The following SLCO2A1 variants were observed in gnomAD, a reference collection of about 807,000 sequenced individuals.
The protein encoded by SLCO2A1 is matrin F/G 1.
In SLCO2A1, 60 loss-of-function variants were observed where a neutral mutation model predicts 71.7. The ratio of observed to expected loss-of-function variants is 0.84; its 90% CI spans 0.68 to 1.04. The LOEUF (loss-of-function observed/expected upper bound fraction) is 1.04, where lower values mean the gene tolerates loss of function less well. Ranked by LOEUF, SLCO2A1 falls within the 50% of genes least tolerant of loss-of-function variation. SLCO2A1 has a pLI of 0.00. For missense variants in SLCO2A1, 745 were observed against 813.4 expected, an observed-to-expected ratio of 0.92 and a Z score of 1.02; for synonymous variants, 308 against 326.7, an observed-to-expected ratio of 0.94 and a Z score of 0.62.
At chr3:134,016,566 G>A (rs1019977704) in intron 1 of SLCO2A1, among the ~76,000 whole-genome samples, 3 of 152,158 alleles carry the variant, frequency 2.0e-5, no homozygotes, top group African/African-American at 7.2e-5. Context: ...CAGCAACTGG[G>A]TCTCTCACAT....
In SLCO2A1 at chr3:133,955,016, ATCCC is replaced by A. The variant is rs1189835228; in HGVS notation, c.571_574del (p.Gly191SerfsTer68). The A allele has an allele frequency of 1.2e-6, 2 of 1,614,118 alleles. No individual in the cohort carries two copies. The highest frequency in any genetic ancestry group is 1.7e-6 in the Non-Finnish European group (2 of 1,180,020). ...CTCTGAGAAGTCATCCACATAGGAG[ATCCC>A]AAATGGCTGAATAGGCACTGTCCCG... is the stretch of plus-strand genomic sequence containing the variant. On this transcript the variant is annotated frameshift_variant, in exon 4 of 14. Coordinates refer to ENST00000310926, the MANE Select transcript of SLCO2A1 (RefSeq NM_005630.3). LOFTEE classifies it high-confidence loss of function.
intron 2 of SLCO2A1, among the ~76,000 whole-genome samples, chr3:133,974,211 T>G (rs1004008953): frequency 6.6e-6 from 1 of 152,170 alleles, no homozygotes; most frequent in Non-Finnish European, 1.5e-5. Context: ...CTAATTAAGC[T>G]TGAGAGTTTG....
intron 1 of SLCO2A1, among the ~76,000 whole-genome samples, chr3:134,012,523 C>G (rs2108075294): frequency 6.6e-6 from 1 of 152,302 alleles, no homozygotes; most frequent in Admixed American, 6.5e-5. Context: ...TCATCACTGT[C>G]TAGTCTGAAA....
chr3:133,990,494 C>G (rs1934817611), intron 1 of SLCO2A1, among the ~76,000 whole-genome samples: 1 of 152,190 alleles, frequency 6.6e-6, no homozygotes, highest in Non-Finnish European at 1.5e-5. Context: ...GTGGACTAGG[C>G]TGTCAAACCA....
chr3:133,953,921 C>T (rs990429338), intron 4 of SLCO2A1, among the ~76,000 whole-genome samples, 160 bp from the exon 5 acceptor site: 6 of 152,138 alleles, frequency 3.9e-5, no homozygotes, highest in Admixed American at 3.3e-4. Context: ...GCCAGAACCA[C>T]TCAAGATTCC....
intron 12 of SLCO2A1, among the ~76,000 whole-genome samples, chr3:133,937,832 G>A (rs749108918): frequency 7.2e-5 from 11 of 152,202 alleles, no homozygotes; most frequent in Non-Finnish European, 1.5e-4. Flanking sequence ...GAATGGGCCT[G>A]CATTGTGCCC....
intron 1 of SLCO2A1, among the ~76,000 whole-genome samples, chr3:133,983,085 C>T (rs2108060325): frequency 6.6e-6 from 1 of 152,296 alleles, no homozygotes; most frequent in South Asian, 2.1e-4. Flanking sequence ...GTTCTGTGTT[C>T]TCTCCCTCTG....
At position 133,979,605 on chromosome 3, in the gene SLCO2A1, C is replaced by T. The variant is rs1212860411; in HGVS notation, c.110G>A (p.Cys37Tyr). Reference sequence around the variant, plus strand: ...TTGGCAGAGCTGCAGGAGGCCTTGGCAGAGCACAAACACCTGGGGGAAGAG... The same window carrying T: ...TTGGCAGAGCTGCAGGAGGCCTTGGTAGAGCACAAACACCTGGGGGAAGAG... ...VFGNIKVFVL[C>Y]QGLLQLCQLL... Residue 37 changes from cysteine to tyrosine, a missense_variant, in exon 2 of 14, where the codon TGC becomes TAC. Transcript: ENST00000310926. 1 of 1,612,242 alleles carries T rather than the reference C, an allele frequency of 6.2e-7. No homozygotes were observed. Among genetic ancestry groups the T allele is most frequent in the South Asian group, 1.1e-5 (1 of 90,710 alleles).
chr3:133,985,153 C>A (rs1292801455), intron 1 of SLCO2A1, among the ~76,000 whole-genome samples: 2 of 152,232 alleles, frequency 1.3e-5, no homozygotes, highest in Non-Finnish European at 2.9e-5. Context: ...CAATGTGTTA[C>A]CAGAACATCA....
chr3:133,941,511 C>T (rs1372011106), intron 11 of SLCO2A1, among the ~76,000 whole-genome samples: 2 of 151,864 alleles, frequency 1.3e-5, no homozygotes, highest in Admixed American at 6.6e-5. Context: ...TGTGTTTTTG[C>T]CCTCTCTGCT....
chr3:134,024,790 A>G (rs1337389460), intron 1 of SLCO2A1, among the ~76,000 whole-genome samples: 3 of 152,224 alleles, frequency 2.0e-5, no homozygotes, highest in African/African-American at 7.2e-5. Flanking sequence ...ATTAGTTAAC[A>G]AATGCTAGAT....
In SLCO2A1 at chr3:133,973,779, C is replaced by T. The variant is rs201133072; in HGVS notation, c.281G>A (p.Arg94Gln). The T allele has an allele frequency of 9.7e-5, 157 of 1,613,902 alleles. No individual in the cohort carries two copies. The highest frequency in any genetic ancestry group is 1.6e-4 in the Middle Eastern group (1 of 6,062). ...GCCAATCAGACGTGGACGGTGCACCCGGCTGCCAAAGTAGCTGACAAAGAT... is the reference window on the plus strand; with the variant it reads ...GCCAATCAGACGTGGACGGTGCACCTGGCTGCCAAAGTAGCTGACAAAGAT... ...LIIFVSYFGS[R>Q]VHRPRLIGIG... Residue 94 changes from arginine to glutamine, a missense_variant, in exon 3 of 14, where the codon CGG (arginine) becomes CAG (glutamine). By Grantham distance (43) the Arg-to-Gln change is conservative. Coordinates refer to ENST00000310926, the MANE Select transcript of SLCO2A1 (RefSeq NM_005630.3).
intron 5 of SLCO2A1, among the ~76,000 whole-genome samples, chr3:133,952,377 T>G (rs1933766584): frequency 6.6e-6 from 1 of 152,228 alleles, no homozygotes; most frequent in South Asian, 2.1e-4. Context: ...GTGACGTGAC[T>G]TGTTTGCAGG....
intron 1 of SLCO2A1, among the ~76,000 whole-genome samples, chr3:133,985,227 C>CTA (rs565440144): frequency 1.3e-5 from 2 of 152,228 alleles, no homozygotes; most frequent in Non-Finnish European, 2.9e-5. Flanking sequence ...ACATAACGTA[C>CTA]TACAATCCTC....
intron 13 of SLCO2A1, among the ~76,000 whole-genome samples, chr3:133,935,233 T>C (rs542497374): frequency 6.6e-6 from 1 of 152,280 alleles, no homozygotes; most frequent in African/African-American, 2.4e-5. Flanking sequence ...CCCTGCCCAG[T>C]CCCCTCAAGC....
At chr3:133,947,472 C>A (rs774661635) in intron 8 of SLCO2A1, 27 bp from the exon 9 acceptor site, 1 of 1,589,284 alleles carries the variant, frequency 6.3e-7, no homozygotes. Context: ...GGAGGTGATC[C>A]AGGTGCACAG....
rs781758774 is a variant in SLCO2A1, at chr3:133,955,115, G to A, written c.476C>T (p.Thr159Ile). 6.2e-6 allele frequency: 10 copies of A among 1,614,054 alleles called. No homozygotes were observed. The African/African-American group carries it at 8.0e-5, about 13-fold the overall frequency. ...GCTGGTCTCCTTCTGGGGGTTCTGG[G>A]TGGTGCTGTGGCACTTACTGGGAGG... ...DLPPSKCHSTTQNPQKETSSM... is the reference protein window; with the variant it reads ...DLPPSKCHSTIQNPQKETSSM... Residue 159 changes from threonine (T) to isoleucine (I), a missense_variant, in exon 4 of 14, where the codon ACC becomes ATC. Coordinates refer to ENST00000310926, the MANE Select transcript of SLCO2A1 (RefSeq NM_005630.3).
At chr3:134,027,464 G>T (rs1222270631) in intron 1 of SLCO2A1, among the ~76,000 whole-genome samples, 1 of 152,154 alleles carries the variant, frequency 6.6e-6, no homozygotes, top group Admixed American at 6.5e-5. Context: ...TTGCTCAATC[G>T]ATCACGACCC....
chr3:133,985,711 A>G lies in SLCO2A1; in HGVS notation c.97-6093T>C, dbSNP rs181077545. Among the ~76,000 whole-genome samples the G allele has an allele frequency of 3.1e-3, 470 of 152,350 alleles. 3 individuals are homozygous for G. Among genetic ancestry groups the G allele is most frequent in the Non-Finnish European group, 5.1e-3 (347 of 68,036 alleles). ...GTTTTTTAGAACAAATCCACAGTGC[A>G]TGAAATGATGCCCAGTTCAAAATTG... On this transcript the variant is annotated intron_variant, in intron 1 of 13. Transcript: ENST00000310926.
Sources: gnomAD v4.1 joint callset for allele counts (sites outside exome capture counted in the v4.1 genomes callset) on GRCh38, gnomAD v4.1.1 for gene constraint, MANE v1.5 for transcripts, NCBI Gene and HGNC (gene_info 2026-07-23, HGNC 2026-07-21) for gene names.